The following SGIP1 variants were observed in gnomAD, a reference collection of about 807,000 sequenced individuals.
SGIP1 encodes SH3-containing GRB2-like protein 3-interacting protein 1.
Under a neutral mutation model 107.5 loss-of-function variants are expected in SGIP1, and 38 were observed. That is an observed-to-expected ratio of 0.35 (90% CI 0.27 to 0.46). SGIP1 has a LOEUF of 0.46. Among genes scored for constraint, SGIP1 ranks in the 20% least tolerant of loss-of-function variants. SGIP1 has a pLI of 1.00. For missense variants in SGIP1, 929 were observed against 1,019.5 expected (o/e 0.91, Z 1.21); for synonymous variants, 365 against 366.1 (o/e 1.00, Z 0.03).
chr1:66,711,971 T>G (rs1209858289), intron 18 of SGIP1, among the ~76,000 whole-genome samples: 1 of 152,190 alleles, frequency 6.6e-6, no homozygotes, highest in Admixed American at 6.6e-5. Flanking sequence ...TCAGGTCAAA[T>G]ATTGAAGAAG....
rs568766489 is a variant in SGIP1, at chr1:66,708,950, G to A, written c.1631-10344G>A. ...TCTTATTTATTTATGTATTTATTTTGGGCATCCATGCATGTTTATCAATCA... is the reference window on the plus strand; with the variant it reads ...TCTTATTTATTTATGTATTTATTTTAGGCATCCATGCATGTTTATCAATCA... On this transcript the variant is annotated intron_variant, in intron 18 of 24. Coordinates refer to ENST00000371037, the MANE Select transcript of SGIP1 (RefSeq NM_032291.4). 2.0e-5 allele frequency among the ~76,000 whole-genome samples: 3 copies of A among 151,842 alleles called. 1 individual carries two copies. In the South Asian group the frequency reaches 6.3e-4, roughly 32 times the overall value.
intron 17 of SGIP1, 163 bp from the exon 18 acceptor site, chr1:66,695,271 A>AAAAG (rs34260051): frequency 7.5e-7 from 1 of 1,325,976 alleles, no homozygotes. Context: ...AAAAAAAAAA[A>AAAAG]GTGTAGATTG....
At chr1:66,695,378 C>T (rs1206406166) in intron 17 of SGIP1, 56 bp from the exon 18 acceptor site, 2 of 1,613,054 alleles carry the variant, frequency 1.2e-6, no homozygotes, top group Admixed American at 3.3e-5. Context: ...ACATTGTGTC[C>T]TTCTCTCTCC....
At chr1:66,617,317 T>C (rs2069603128) in intron 1 of SGIP1, among the ~76,000 whole-genome samples, 1 of 147,024 alleles carries the variant, frequency 6.8e-6, no homozygotes, top group Non-Finnish European at 1.5e-5. Context: ...ATAAATATCA[T>C]TAAAAAAATC....
chr1:66,576,273 C>T (rs6687096), intron 1 of SGIP1, among the ~76,000 whole-genome samples: 23,360 of 152,108 alleles, frequency 0.15, 1,862 homozygotes, highest in Admixed American at 0.19. Flanking sequence ...ATTGGAAAAT[C>T]TGTCTTTCCT....
intron 7 of SGIP1, among the ~76,000 whole-genome samples, chr1:66,656,351 T>C (rs79705296): frequency 1.6e-3 from 246 of 152,358 alleles, no homozygotes; most frequent in African/African-American, 5.7e-3. Context: ...GTTAACTTGT[T>C]TTTTATAAGT....
At chr1:66,722,825 G>A (rs986576976) in intron 19 of SGIP1, among the ~76,000 whole-genome samples, 1 of 152,106 alleles carries the variant, frequency 6.6e-6, no homozygotes, top group Admixed American at 6.5e-5. Context: ...GTGTAGGGTA[G>A]TCTGCACCTG....
chr1:66,570,881 A>G (rs1437685530), intron 1 of SGIP1, among the ~76,000 whole-genome samples: 1 of 151,872 alleles, frequency 6.6e-6, no homozygotes, highest in Admixed American at 6.6e-5. Flanking sequence ...GGTCATATCC[A>G]CTTCATCTCC....
At chr1:66,561,623 A>G (rs2058961998) in intron 1 of SGIP1, among the ~76,000 whole-genome samples, 2 of 152,074 alleles carry the variant, frequency 1.3e-5, no homozygotes, top group South Asian at 4.1e-4. Flanking sequence ...TACCTGCTTT[A>G]TAGAAGCTTG....
At chr1:66,730,911 C>T (rs926912931) in intron 20 of SGIP1, among the ~76,000 whole-genome samples, 1 of 152,196 alleles carries the variant, frequency 6.6e-6, no homozygotes, top group African/African-American at 2.4e-5. Context: ...TTAGTCTCAG[C>T]TCTACTCTGC....
In SGIP1 at chr1:66,683,700, C is replaced by CTTTTTTTTTTTTTTT. The variant is rs869266510; in HGVS notation, c.1315+1345_1315+1359dup. On this transcript the variant is annotated intron_variant, in intron 15 of 24. Transcript: ENST00000371037. ...ACCACACTGTTTGTTTGTTTCTTTT[C>CTTTTTTTTTTTTTTT]TTTTTTTTTTTTTTTTTTTTTTTTT... Among the ~76,000 whole-genome samples the CTTTTTTTTTTTTTTT allele has an allele frequency of 3.3e-3, 203 of 61,390 alleles. 32 individuals carry two copies. The highest frequency in any genetic ancestry group is 0.023 in the East Asian group (21 of 904). 40.3% of individuals were successfully genotyped at this position (61,390 alleles called of 152,430 possible).
chr1:66,708,778 CA>C (rs35422955), intron 18 of SGIP1, among the ~76,000 whole-genome samples: 64,602 of 151,482 alleles, frequency 0.43, 14,850 homozygotes, highest in African/African-American at 0.54. Flanking sequence ...ATTTGAAAAG[CA>C]AAAAAAATAT....
rs2094603726 is a variant in SGIP1, at chr1:66,750,034, G to GT, written c.*6939_*6940insT. 2.2e-5 allele frequency among the ~76,000 whole-genome samples: 2 copies of GT among 92,050 alleles called. No homozygotes were observed. The highest frequency in any genetic ancestry group is 2.4e-4 in the East Asian group (1 of 4,214). The allele number at this position is 92,050 out of a possible 152,430, so 60.4% of individuals were successfully genotyped here. A position where few individuals can be genotyped will look rare whatever the true frequency, so the allele number is the denominator to read the frequency against. ...CTCTCTCTTTCTCTGTGTGTGTGTGGGGGTGTGTGTGTGTGTGTGTGTGTG... is the reference window on the plus strand; with the variant it reads ...CTCTCTCTTTCTCTGTGTGTGTGTGGTGGGTGTGTGTGTGTGTGTGTGTGTG... On this transcript the variant is annotated 3_prime_UTR_variant, in exon 25 of 25. Coordinates refer to ENST00000371037, the MANE Select transcript of SGIP1 (RefSeq NM_032291.4).
intron 24 of SGIP1, 47 bp from the exon 25 acceptor site, chr1:66,743,026 T>C: frequency 6.2e-7 from 1 of 1,609,698 alleles, no homozygotes. Flanking sequence ...AATAATTACA[T>C]TATTGAACTA....
intron 21 of SGIP1, among the ~76,000 whole-genome samples, chr1:66,737,975 C>G (rs946863886): frequency 3.9e-5 from 6 of 151,982 alleles, no homozygotes; most frequent in Non-Finnish European, 8.8e-5. Context: ...CCACAAAGCA[C>G]CTCCCCAGGT....
At position 66,683,700 on chromosome 1, in the gene SGIP1, C is replaced by CTTTTTT. The variant is rs869266510; in HGVS notation, c.1315+1354_1315+1359dup. ...ACCACACTGTTTGTTTGTTTCTTTT[C>CTTTTTT]TTTTTTTTTTTTTTTTTTTTTTTTT... On this transcript the variant is annotated intron_variant, in intron 15 of 24. Transcript: ENST00000371037. 6.4e-3 allele frequency among the ~76,000 whole-genome samples: 391 copies of CTTTTTT among 61,410 alleles called. 11 individuals are homozygous for CTTTTTT. The highest frequency in any genetic ancestry group is 6.9e-3 in the Non-Finnish European group (227 of 33,106). The allele number at this position is 61,410 out of a possible 152,430, so 40.3% of individuals were successfully genotyped here. A position where few individuals can be genotyped will look rare whatever the true frequency, so the allele number is the denominator to read the frequency against.
chr1:66,633,289 G>A (rs537918397), intron 3 of SGIP1, among the ~76,000 whole-genome samples, 195 bp downstream of exon 3: 1 of 152,114 alleles, frequency 6.6e-6, no homozygotes, highest in Non-Finnish European at 1.5e-5. Context: ...CTTATTTATG[G>A]CATTTACCTA....
chr1:66,577,040 C>T (rs1223422468), intron 1 of SGIP1, among the ~76,000 whole-genome samples: 1 of 152,126 alleles, frequency 6.6e-6, no homozygotes, highest in African/African-American at 2.4e-5. Context: ...TTGAGAAGGG[C>T]AACTTTTAGT....
At position 66,690,285 on chromosome 1, in the gene SGIP1, T is replaced by C; in HGVS notation, c.1539T>C (p.Asn513=). ...AESTSSISST[N]SLSAATTPTV... is the part of the protein sequence containing the mutation. ...GCACTTCTTCAATATCGTCAACCAATTCCTTGAGCGCAGCCACCACTCCCA... is the reference window on the plus strand; with the variant it reads ...GCACTTCTTCAATATCGTCAACCAACTCCTTGAGCGCAGCCACCACTCCCA... The change falls in exon 17 of 25, where the codon AAT becomes AAC. Residue 513 remains asparagine, a synonymous_variant. Coordinates refer to ENST00000371037, the MANE Select transcript of SGIP1 (RefSeq NM_032291.4). The C allele has an allele frequency of 6.2e-7, 1 of 1,614,164 alleles. No individual in the cohort carries two copies. The highest frequency in any genetic ancestry group is 1.6e-4 in the Middle Eastern group (1 of 6,062).
Sources: allele counts gnomAD v4.1 joint callset (sites outside exome capture counted in the v4.1 genomes callset), GRCh38; gene constraint gnomAD v4.1.1; transcripts MANE v1.5; gene names NCBI Gene and HGNC (gene_info 2026-07-23, HGNC 2026-07-21).